SLC30A4: variants seen among roughly 807,000 people sequenced by gnomAD.
SLC30A4 encodes solute carrier family 30 member 4.
In SLC30A4, 20 loss-of-function variants were observed where a neutral mutation model predicts 41.7. The ratio of observed to expected loss-of-function variants is 0.48; its 90% confidence interval spans 0.34 to 0.70. The LOEUF is 0.70. Ranked by LOEUF, SLC30A4 falls within the 30% of genes least tolerant of loss-of-function variation. SLC30A4 has a pLI of 0.01. For missense variants in SLC30A4, 441 were observed against 529.3 expected, an observed-to-expected ratio of 0.83 and a Z score of 1.64; for synonymous variants, 181 against 195.9, an observed-to-expected ratio of 0.92 and a Z score of 0.64.
intron 2 of SLC30A4, among the ~76,000 whole-genome samples, chr15:45,516,784 C>CACTT (rs1892492786): frequency 6.6e-6 from 1 of 151,754 alleles, no homozygotes; most frequent in Non-Finnish European, 1.5e-5. Flanking sequence ...GCAGGAGAAT[C>CACTT]ACTTGAATCC....
At position 45,499,196 on chromosome 15, in the gene SLC30A4, C is replaced by T. The variant is rs1008131647; in HGVS notation, c.539-8315G>A. Reference sequence around the variant, plus strand: ...AAGCGATTCTCCTGCCTCAGCCTCTCGAGTAGCTGGGACTACAGGTACCCA... The same window carrying T: ...AAGCGATTCTCCTGCCTCAGCCTCTTGAGTAGCTGGGACTACAGGTACCCA... On this transcript the variant is annotated intron_variant, in intron 3 of 7. Coordinates refer to ENST00000261867, the MANE Select transcript of SLC30A4 (RefSeq NM_013309.6). Among the ~76,000 whole-genome samples the T allele has an allele frequency of 4.6e-5, 7 of 151,656 alleles. No individual in the cohort carries two copies. In the East Asian group the frequency reaches 9.7e-4, roughly 21 times the overall value.
At chr15:45,486,913 A>T (rs1476435942) in intron 6 of SLC30A4, among the ~76,000 whole-genome samples, 168 bp from the exon 7 acceptor site, 1 of 152,182 alleles carries the variant, frequency 6.6e-6, no homozygotes, top group Non-Finnish European at 1.5e-5. Context: ...ATATATTTTT[A>T]TTAAAAATGT....
At chr15:45,507,276 C>T (rs12913521) in intron 3 of SLC30A4, among the ~76,000 whole-genome samples, 3 of 150,568 alleles carry the variant, frequency 2.0e-5, no homozygotes, top group Non-Finnish European at 4.4e-5. Flanking sequence ...GCCGAGACCG[C>T]GCCATTGCAC....
chr15:45,500,287 G>C (rs985367592), intron 3 of SLC30A4, among the ~76,000 whole-genome samples: 7 of 152,068 alleles, frequency 4.6e-5, no homozygotes, highest in Non-Finnish European at 8.8e-5. Flanking sequence ...ACCATGTTAG[G>C]TACTTTATTT....
At chr15:45,504,388 G>C (rs542468378) in intron 3 of SLC30A4, among the ~76,000 whole-genome samples, 61 of 152,140 alleles carry the variant, frequency 4.0e-4, no homozygotes, top group Non-Finnish European at 6.6e-4. Context: ...AAAACAAAAA[G>C]TATAAGTAGA....
chr15:45,515,540 C>A (rs1454787032), intron 2 of SLC30A4, among the ~76,000 whole-genome samples: 1 of 151,936 alleles, frequency 6.6e-6, no homozygotes, highest in Admixed American at 6.6e-5. Context: ...GTAGTCCCAG[C>A]TACTTGGGAG....
chr15:45,485,820 C>T (rs147456408), intron 7 of SLC30A4, among the ~76,000 whole-genome samples: 1 of 151,848 alleles, frequency 6.6e-6, no homozygotes, highest in East Asian at 1.9e-4. Context: ...TGAGTGCAAG[C>T]AATTCTCCTG....
chr15:45,521,539 T>TA (rs554242164), intron 2 of SLC30A4, among the ~76,000 whole-genome samples: 14,666 of 144,848 alleles, frequency 0.1, 2,308 homozygotes, highest in African/African-American at 0.34. Context: ...TCCTTACATG[T>TA]AAAAAAAAAA....
At chr15:45,506,640 T>C (rs573334182) in intron 3 of SLC30A4, among the ~76,000 whole-genome samples, 1 of 152,282 alleles carries the variant, frequency 6.6e-6, no homozygotes, top group Non-Finnish European at 1.5e-5. Flanking sequence ...CATTATTTCA[T>C]AGAGCAGAAT....
chr15:45,509,926 G>A (rs921313643), intron 3 of SLC30A4, among the ~76,000 whole-genome samples: 1 of 152,104 alleles, frequency 6.6e-6, no homozygotes, highest in Non-Finnish European at 1.5e-5. Flanking sequence ...ACAAAAATTA[G>A]CTGAGCATGC....
At chr15:45,502,435 G>C (rs1413863864) in intron 3 of SLC30A4, 1 of 152,070 alleles carries the variant, frequency 6.6e-6, no homozygotes, top group African/African-American at 2.4e-5. Context: ...ACCCAGGCTA[G>C]AGTGCAGTGG....
intron 3 of SLC30A4, among the ~76,000 whole-genome samples, chr15:45,491,116 A>G (rs1891802387): frequency 6.6e-6 from 1 of 152,072 alleles, no homozygotes; most frequent in Non-Finnish European, 1.5e-5. Context: ...TTGATCTCCC[A>G]GGCTCAAGTG....
At chr15:45,507,690 G>A (rs1172686593) in intron 3 of SLC30A4, among the ~76,000 whole-genome samples, 1 of 152,004 alleles carries the variant, frequency 6.6e-6, no homozygotes, top group Non-Finnish European at 1.5e-5. Flanking sequence ...GTTTCACCAT[G>A]TTGGCTAGGC....
rs1291100161 is a variant in SLC30A4, at chr15:45,522,129, A to T, written c.226T>A (p.Leu76Ile). The change falls in exon 2 of 8, where the codon TTA becomes ATA. Residue 76 changes from leucine (L) to isoleucine (I), a missense_variant. Transcript: ENST00000261867. ...HPTLQADDDS[L>I]LDQDLPLTNS... is the part of the protein sequence containing the mutation. ...GTCAAAGGTAAGTCTTGGTCCAGTA[A>T]GGAATCATCGTCGGCCTGGAGGGTC... The T allele has an allele frequency of 1.9e-6, 3 of 1,614,090 alleles. No individual in the cohort carries two copies. The African/African-American group carries it at 4.0e-5, about 22-fold the overall frequency.
At chr15:45,506,471 A>G (rs2140836359) in intron 3 of SLC30A4, among the ~76,000 whole-genome samples, 1 of 152,284 alleles carries the variant, frequency 6.6e-6, no homozygotes, top group Admixed American at 6.5e-5. Context: ...CCAAATGTAA[A>G]TATATCTCTC....
At chr15:45,485,611 T>C (rs187635825) in intron 7 of SLC30A4, among the ~76,000 whole-genome samples, 13 of 152,338 alleles carry the variant, frequency 8.5e-5, no homozygotes, top group Admixed American at 7.2e-4. Flanking sequence ...ATGTATTATT[T>C]TGATTTAAAA....
intron 3 of SLC30A4, 25 bp from the exon 4 acceptor site, chr15:45,490,906 A>T (rs374498597): frequency 3.0e-5 from 45 of 1,499,420 alleles, no homozygotes; most frequent in Non-Finnish European, 4.0e-5. Context: ...ACATATAACA[A>T]ATACATTTTC....
chr15:45,518,473 A>G (rs1397689789), intron 2 of SLC30A4, among the ~76,000 whole-genome samples: 1 of 152,198 alleles, frequency 6.6e-6, no homozygotes, highest in Non-Finnish European at 1.5e-5. Flanking sequence ...ACTTCCAAAG[A>G]GAAGAGAAAA....
Position 45,485,316 on chromosome 15 carries a change from A to T in SLC30A4, c.1137T>A (p.Ile379=). The T allele has an allele frequency of 6.2e-7, 1 of 1,603,152 alleles. No individual in the cohort carries two copies. Among genetic ancestry groups the T allele is most frequent in the Non-Finnish European group, 8.5e-7 (1 of 1,173,368 alleles). The change falls in exon 8 of 8, where the codon ATT becomes ATA. Residue 379 remains isoleucine, a splice_region_variant and synonymous_variant. Coordinates refer to ENST00000261867, the MANE Select transcript of SLC30A4 (RefSeq NM_013309.6). ...CCTCCCATTTAGATGAACTTCCAGG[A>T]ACTGCAATGTCAAGAAAATATCATT... ...KSTAIVHIQL[I]PGSSSKWEEV...
Sources: gnomAD v4.1 joint callset for allele counts (sites outside exome capture counted in the v4.1 genomes callset) on GRCh38, gnomAD v4.1.1 for gene constraint, MANE v1.5 for transcripts, NCBI Gene and HGNC (gene_info 2026-07-23, HGNC 2026-07-21) for gene names.